SEPTIN6: variants seen among roughly 807,000 people sequenced by gnomAD.
The protein encoded by SEPTIN6 is septin 6, also known as septin-6.
In SEPTIN6, 8 loss-of-function variants were observed where a neutral mutation model predicts 33.6. The observed-to-expected ratio is 0.24, with a 90% CI of 0.14 to 0.43. The LOEUF (loss-of-function observed/expected upper bound fraction) is 0.43. Among genes scored for constraint, SEPTIN6 ranks in the 20% least tolerant of loss-of-function variants. The probability of loss-of-function intolerance (pLI) is 1.00; values close to 1 mark genes in which losing one functional copy is unlikely to be tolerated. For missense variants in SEPTIN6, 250 were observed against 340.8 expected, an observed-to-expected ratio of 0.73 and a Z score of 2.10; for synonymous variants, 131 against 140.0, an observed-to-expected ratio of 0.94 and a Z score of 0.45.
chrX:119,664,180 C>T (rs748848271), intron 2 of SEPTIN6, among the ~76,000 whole-genome samples: 47 of 111,545 alleles, frequency 4.2e-4, no homozygotes, highest in African/African-American at 1.3e-3. Flanking sequence ...GATGGGGTTT[C>T]ACCATCTTGG....
intron 2 of SEPTIN6, among the ~76,000 whole-genome samples, chrX:119,672,712 T>C (rs2054769191): frequency 8.9e-6 from 1 of 112,459 alleles, no homozygotes; most frequent in African/African-American, 3.2e-5. Flanking sequence ...GGAGCTCTTG[T>C]TAGTTAAACA....
chrX:119,629,172 A>G (rs935973153), intron 9 of SEPTIN6, 146 bp downstream of exon 9: 10 of 517,244 alleles, frequency 1.9e-5, no homozygotes, highest in Non-Finnish European at 2.9e-5. Context: ...GGATGCTGGG[A>G]CCAGTTATAG....
chrX:119,673,278 G>A (rs2054777874), intron 2 of SEPTIN6, among the ~76,000 whole-genome samples: 1 of 110,987 alleles, frequency 9.0e-6, no homozygotes, highest in Admixed American at 9.7e-5. Flanking sequence ...TGGGAGGAAT[G>A]CTTGAGCCTG....
intron 2 of SEPTIN6, among the ~76,000 whole-genome samples, chrX:119,670,431 C>T (rs868821446): frequency 2.8e-5 from 3 of 106,946 alleles, no homozygotes; most frequent in East Asian, 2.9e-4. Context: ...CATGGTGGTG[C>T]GCACCTGTGA....
At chrX:119,673,391 G>A (rs2054780631) in intron 2 of SEPTIN6, among the ~76,000 whole-genome samples, 1 of 111,010 alleles carries the variant, frequency 9.0e-6, no homozygotes, top group South Asian at 3.8e-4. Context: ...GTGTGTGGGA[G>A]TGAGCCATTT....
At chrX:119,620,965 C>T (rs1191679931) in intron 10 of SEPTIN6, among the ~76,000 whole-genome samples, 12 of 92,380 alleles carry the variant, frequency 1.3e-4, no homozygotes, top group Non-Finnish European at 2.1e-4. Context: ...TCCCCCACCA[C>T]CCACCCCCAG....
At chrX:119,631,422 C>T (rs1219794711) in intron 8 of SEPTIN6, among the ~76,000 whole-genome samples, 1 of 110,223 alleles carries the variant, frequency 9.1e-6, no homozygotes, top group Non-Finnish European at 1.9e-5. Flanking sequence ...CCTTGTCATC[C>T]GCCCACCTTG....
rs951257053 is a variant in SEPTIN6, at chrX:119,617,745, C to A, written c.*2348G>T. 24 of 772,403 alleles carry A rather than the reference C, an allele frequency of 3.1e-5. No individual in the cohort carries two copies. The highest frequency in any genetic ancestry group is 3.6e-5 in the Non-Finnish European group (23 of 641,198). 63.7% of individuals were successfully genotyped at this position (772,403 alleles called of 1,213,427 possible). Reference sequence around the variant, plus strand: ...TTCTGCCTCGAAACAGAAGTGGGACCTCGGTCAAGTCCCTTCCCTTCTCTG... The same window carrying A: ...TTCTGCCTCGAAACAGAAGTGGGACATCGGTCAAGTCCCTTCCCTTCTCTG... On this transcript the variant is annotated 3_prime_UTR_variant, in exon 11 of 11. Transcript: ENST00000394610.
chrX:119,687,671 A>G (rs1031495942), intron 1 of SEPTIN6, among the ~76,000 whole-genome samples: 8 of 112,098 alleles, frequency 7.1e-5, no homozygotes, highest in African/African-American at 2.6e-4. Context: ...AATCAGCCCT[A>G]CTTAGTTTGG....
chrX:119,649,790 G>A, intron 5 of SEPTIN6, 147 bp downstream of exon 5: 1 of 557,481 alleles, frequency 1.8e-6, no homozygotes, highest in Non-Finnish European at 2.9e-6. Flanking sequence ...AGGATCCCTT[G>A]AGCCCAGGAG....
chrX:119,630,346 CCT>C (rs747904899), intron 8 of SEPTIN6, among the ~76,000 whole-genome samples: 2 of 111,416 alleles, frequency 1.8e-5, no homozygotes, highest in African/African-American at 6.5e-5. Flanking sequence ...GTAAGGAACC[CCT>C]GTCTTTTCTT....
Position 119,688,710 on chromosome X carries a change from G to GAA in SEPTIN6, c.30+4364_30+4365dup, listed in dbSNP as rs150477050. On this transcript the variant is annotated intron_variant, in intron 1 of 10. Transcript: ENST00000394610. Reference sequence around the variant, plus strand: ...CGACAGAACAAGACTCCATCTCGGGGAAAAAAAAAAAAAAAAGGAAAAGAA... The same window carrying GAA: ...CGACAGAACAAGACTCCATCTCGGGGAAAAAAAAAAAAAAAAAAGGAAAAGAA... Among the ~76,000 whole-genome samples the GAA allele has an allele frequency of 9.1e-3, 718 of 78,746 alleles. 10 individuals are homozygous for GAA. Among genetic ancestry groups the GAA allele is most frequent in the African/African-American group, 0.03 (643 of 21,795 alleles). The allele number at this position is 78,746 out of a possible 115,157, so 68.4% of individuals were successfully genotyped here.
chrX:119,659,925 T>A (rs1475937093), intron 3 of SEPTIN6, among the ~76,000 whole-genome samples: 1 of 111,915 alleles, frequency 8.9e-6, no homozygotes, highest in African/African-American at 3.3e-5. Context: ...TAGGCTGGAG[T>A]GCCATGGCGC....
At chrX:119,678,530 AAT>A (rs1349366293) in intron 1 of SEPTIN6, among the ~76,000 whole-genome samples, 4 of 109,495 alleles carry the variant, frequency 3.7e-5, no homozygotes, top group Middle Eastern at 4.2e-3. Flanking sequence ...AAAAAAAAAA[AAT>A]AAATAAAGAC....
intron 9 of SEPTIN6, 93 bp downstream of exon 9, chrX:119,629,225 C>T (rs962720417): frequency 2.2e-6 from 2 of 897,296 alleles, no homozygotes; most frequent in African/African-American, 4.0e-5. Flanking sequence ...CCTCTGGTCA[C>T]CAGTCCTCAG....
chrX:119,683,386 T>A (rs1194903945), intron 1 of SEPTIN6, among the ~76,000 whole-genome samples: 1 of 112,770 alleles, frequency 8.9e-6, no homozygotes, highest in Non-Finnish European at 1.9e-5. Flanking sequence ...CTCTCAGCCC[T>A]GAACACTGAT....
intron 1 of SEPTIN6, among the ~76,000 whole-genome samples, chrX:119,676,123 A>G (rs904018649): frequency 8.9e-6 from 1 of 112,099 alleles, no homozygotes; most frequent in Non-Finnish European, 1.9e-5. Context: ...TAACGAGCTT[A>G]GTATATGCAG....
intron 1 of SEPTIN6, among the ~76,000 whole-genome samples, chrX:119,677,602 CT>C (rs1348922740): frequency 8.9e-6 from 1 of 112,771 alleles, no homozygotes; most frequent in Admixed American, 9.4e-5. Flanking sequence ...GGCAGCTCTT[CT>C]GTTGGGCTGG....
chrX:119,670,431 C>A (rs868821446), intron 2 of SEPTIN6, among the ~76,000 whole-genome samples: 5 of 106,946 alleles, frequency 4.7e-5, no homozygotes, highest in African/African-American at 1.7e-4. Context: ...CATGGTGGTG[C>A]GCACCTGTGA....
Sources: gnomAD v4.1 joint callset for allele counts (sites outside exome capture counted in the v4.1 genomes callset) on GRCh38, gnomAD v4.1.1 for gene constraint, MANE v1.5 for transcripts, NCBI Gene and HGNC (gene_info 2026-07-23, HGNC 2026-07-21) for gene names.